Variants in CXCL14 observed in about 807,000 individuals in gnomAD.
The protein encoded by CXCL14 is C-X-C motif chemokine ligand 14.
In CXCL14, 9 loss-of-function variants were observed where a neutral mutation model predicts 16.1. The observed-to-expected ratio is 0.56, with a 90% CI of 0.34 to 0.97. CXCL14 has a LOEUF of 0.97. Among genes scored for constraint, CXCL14 ranks in the 50% least tolerant of loss-of-function variants. The probability of loss-of-function intolerance (pLI) is 0.02; values close to 1 mark genes in which losing one functional copy is unlikely to be tolerated. For missense variants in CXCL14, 111 were observed against 132.5 expected (o/e 0.84, Z 0.80); for synonymous variants, 55 against 52.8 (o/e 1.04, Z -0.18).
In CXCL14 at chr5:135,574,251, T is replaced by C. The variant is rs559605149; in HGVS notation, c.284+321A>G. On this transcript the variant is annotated intron_variant, in intron 3 of 3. Coordinates refer to ENST00000512158, the MANE Select transcript of CXCL14 (RefSeq NM_004887.5). Reference sequence around the variant, plus strand: ...AGCCATGCCAGTGCTCACTCTGCCATTTAACAACTTACGTAACTGAAATAA... The same window carrying C: ...AGCCATGCCAGTGCTCACTCTGCCACTTAACAACTTACGTAACTGAAATAA... Among the ~76,000 whole-genome samples, 9 of 152,374 alleles carry C rather than the reference T, an allele frequency of 5.9e-5. No individual in the cohort carries two copies. The South Asian group carries it at 1.9e-3, about 32-fold the overall frequency.
At chr5:135,575,552 A>G (rs1292194938) in intron 2 of CXCL14, among the ~76,000 whole-genome samples, 1 of 152,254 alleles carries the variant, frequency 6.6e-6, no homozygotes, top group African/African-American at 2.4e-5. Flanking sequence ...CAATCTTTAG[A>G]AAGTACCCAG....
chr5:135,577,509 T>G (rs1330991109), intron 2 of CXCL14, among the ~76,000 whole-genome samples: 2 of 152,188 alleles, frequency 1.3e-5, no homozygotes, highest in African/African-American at 4.8e-5. Flanking sequence ...GGTAGGGGTG[T>G]GCACTGCTTT....
At position 135,578,110 on chromosome 5, in the gene CXCL14, T is replaced by C. The variant is rs1045156258; in HGVS notation, c.170+324A>G. ...GTGATTTCAGTCTAGGTTTTCTGAG[T>C]TGGCACAAGGGAACCCTTTAACCCT... On this transcript the variant is annotated intron_variant, in intron 2 of 3. Transcript: ENST00000512158. Among the ~76,000 whole-genome samples, 23 of 152,200 alleles carry C rather than the reference T, an allele frequency of 1.5e-4. 2 individuals carry two copies. The highest frequency in any genetic ancestry group is 1.5e-3 in the Admixed American group (23 of 15,284).
chr5:135,574,662 C>T lies in CXCL14; in HGVS notation c.194G>A (p.Arg65Lys), dbSNP rs1409451570. Residue 65 changes from arginine (R) to lysine (K), a missense_variant, in exon 3 of 4, where the codon AGG becomes AAG. Physicochemically the swap from Arg to Lys is conservative, Grantham distance 26. Coordinates refer to ENST00000512158, the MANE Select transcript of CXCL14 (RefSeq NM_004887.5). ...MVIITTKSVS[R>K]YRGQEHCLHP... ...CAGGCAGTGCTCCTGACCTCGGTAC[C>T]TGGACACGCTCTTGGTGGTGATGCT... 1 of 1,613,722 alleles carries T rather than the reference C, an allele frequency of 6.2e-7. No individual in the cohort carries two copies. Among genetic ancestry groups the T allele is most frequent in the African/African-American group, 1.3e-5 (1 of 74,870 alleles).
At chr5:135,573,076 G>A (rs908033706) in intron 3 of CXCL14, among the ~76,000 whole-genome samples, 7 of 152,142 alleles carry the variant, frequency 4.6e-5, no homozygotes, top group African/African-American at 1.7e-4. Flanking sequence ...AGACCTGTGG[G>A]TGCCTCCTTT....
chr5:135,575,991 T>G (rs1439197662), intron 2 of CXCL14, among the ~76,000 whole-genome samples: 1 of 152,226 alleles, frequency 6.6e-6, no homozygotes, highest in African/African-American at 2.4e-5. Flanking sequence ...GGGACAGGAT[T>G]CCCATTACTT....
rs1468020570 is a variant in CXCL14 at position 135,572,019 on chromosome 5, T to A, written c.285-151A>T. On this transcript the variant is annotated intron_variant, in intron 3 of 3. Transcript: ENST00000512158. ...CCCCCAGGAGAAGTGGGAGGGATCC[T>A]TCTGAGGATGTGGTCCCGGGGACCA... 4 of 717,214 alleles carry A rather than the reference T, an allele frequency of 5.6e-6. No individual in the cohort carries two copies. In the Admixed American group the frequency reaches 1.1e-4, roughly 19 times the overall value. 44.4% of individuals were successfully genotyped at this position (717,214 alleles called of 1,614,324 possible).
intron 1 of CXCL14, 23 bp from the exon 2 acceptor site, chr5:135,578,562 G>A (rs1220016608): frequency 1.2e-6 from 2 of 1,609,448 alleles, no homozygotes; most frequent in South Asian, 2.2e-5. Flanking sequence ...GCGGGGCAAC[G>A]GCTTAGTTGC....
At chr5:135,572,014 G>A (rs1161155062) in intron 3 of CXCL14, 146 bp from the exon 4 acceptor site, 2 of 744,958 alleles carry the variant, frequency 2.7e-6, no homozygotes, top group African/African-American at 3.5e-5. Context: ...AAGTGGGAGG[G>A]ATCCTTCTGA....
intron 3 of CXCL14, among the ~76,000 whole-genome samples, chr5:135,573,189 C>T (rs1464239175): frequency 6.6e-6 from 1 of 152,196 alleles, no homozygotes; most frequent in African/African-American, 2.4e-5. Flanking sequence ...CCATAACCTG[C>T]CCATGGGATT....
At position 135,578,977 on chromosome 5, in the gene CXCL14, C is replaced by T; in HGVS notation, c.-199G>A. 3.5e-6 allele frequency: 2 copies of T among 565,432 alleles called. No homozygotes were observed. The highest frequency in any genetic ancestry group is 5.9e-6 in the Non-Finnish European group (2 of 339,654). 35.0% of individuals were successfully genotyped at this position (565,432 alleles called of 1,614,324 possible). A position where few individuals can be genotyped will look rare whatever the true frequency, so the allele number is the denominator to read the frequency against. On this transcript the variant is annotated 5_prime_UTR_variant, in exon 1 of 4. Transcript: ENST00000512158. ...CGTGCGCTGCGCTCTGCGCTTGTCT[C>T]CGCGCTCTCTCCACAGCCTCCCTCC...
At chr5:135,578,584 C>T (rs757876485) in intron 1 of CXCL14, 45 bp from the exon 2 acceptor site, 1 of 1,604,220 alleles carries the variant, frequency 6.2e-7, no homozygotes, top group Non-Finnish European at 8.5e-7. Flanking sequence ...AGGCGGTCTC[C>T]TGCCCCTCGA....
rs1471726798 is a variant in CXCL14, at chr5:135,578,695, G to A, written c.64+20C>T. The A allele has an allele frequency of 6.4e-7, 1 of 1,553,322 alleles. No individual in the cohort carries two copies. The highest frequency in any genetic ancestry group is 8.7e-7 in the Non-Finnish European group (1 of 1,148,010). ...ACAGGACAAGACGAGACGGCGACAAGGGGAGCTCCCCGCACTCACCGTCCA... is the reference window on the plus strand; with the variant it reads ...ACAGGACAAGACGAGACGGCGACAAAGGGAGCTCCCCGCACTCACCGTCCA... On this transcript the variant is annotated intron_variant, in intron 1 of 3. Coordinates refer to ENST00000512158, the MANE Select transcript of CXCL14 (RefSeq NM_004887.5).
Position 135,578,451 on chromosome 5 carries a change from G to T in CXCL14, c.153C>A (p.Cys51Ter). 1 of 1,614,060 alleles carries T rather than the reference G, an allele frequency of 6.2e-7. No individual in the cohort carries two copies. The highest frequency in any genetic ancestry group is 8.5e-7 in the Non-Finnish European group (1 of 1,179,898). Residue 51 changes from cysteine (C) to a stop codon, truncating the protein, a stop_gained, in exon 2 of 4, where the codon TGC becomes TGA. Transcript: ENST00000512158. LOFTEE classifies it high-confidence loss of function. ...KLEMKPKYPH[C>*]EEKMVIITTK... ...GAACTCACATAACCATCTTCTCCTC[G>T]CAGTGCGGGTACTTTGGCTTCATTT...
At chr5:135,576,911 A>G (rs1194680007) in intron 2 of CXCL14, among the ~76,000 whole-genome samples, 1 of 152,108 alleles carries the variant, frequency 6.6e-6, no homozygotes, top group African/African-American at 2.4e-5. Context: ...AGGAGCCCCC[A>G]GCCCTCAGGG....
At position 135,571,763 on chromosome 5, in the gene CXCL14, T is replaced by TAAAA; in HGVS notation, c.*89_*90insTTTT. 6.1e-6 allele frequency: 1 copy of TAAAA among 163,338 alleles called. No homozygotes were observed. Among genetic ancestry groups the TAAAA allele is most frequent in the Non-Finnish European group, 1.1e-5 (1 of 89,724 alleles). The allele number at this position is 163,338 out of a possible 1,614,324, so 10.1% of individuals were successfully genotyped here. A position where few individuals can be genotyped will look rare whatever the true frequency, so the allele number is the denominator to read the frequency against. On this transcript the variant is annotated 3_prime_UTR_variant, in exon 4 of 4. Coordinates refer to ENST00000512158, the MANE Select transcript of CXCL14 (RefSeq NM_004887.5). ...AAGGCTTTTTTTTTTTTTTTTTTTT[T>TAAAA]TTTTTTTTTTTTTTTTTTTTTTAAT...
At chr5:135,575,003 T>C (rs1418752222) in intron 2 of CXCL14, among the ~76,000 whole-genome samples, 1 of 152,148 alleles carries the variant, frequency 6.6e-6, no homozygotes, top group African/African-American at 2.4e-5. Context: ...TCTCCAGGGC[T>C]CAGGCCTCTT....
intron 2 of CXCL14, 45 bp from the exon 3 acceptor site, chr5:135,574,730 A>T (rs1382618626): frequency 6.7e-7 from 1 of 1,493,264 alleles, no homozygotes; most frequent in South Asian, 1.1e-5. Flanking sequence ...AGCCTGAATA[A>T]CATGTTGCCT....
rs560517036 is a variant in CXCL14, at chr5:135,578,417, G to C, written c.170+17C>G. On this transcript the variant is annotated intron_variant, in intron 2 of 3. Transcript: ENST00000512158. Reference sequence around the variant, plus strand: ...ACAGCAGTGCGCACCCCCTCAAGGTGAGGAGCGAGAACTCACATAACCATC... The same window carrying C: ...ACAGCAGTGCGCACCCCCTCAAGGTCAGGAGCGAGAACTCACATAACCATC... 2.5e-6 allele frequency: 4 copies of C among 1,607,166 alleles called. No homozygotes were observed. Among genetic ancestry groups the C allele is most frequent in the African/African-American group, 1.3e-5 (1 of 74,778 alleles).
Sources: gnomAD v4.1 joint callset for allele counts (sites outside exome capture counted in the v4.1 genomes callset) on GRCh38, gnomAD v4.1.1 for gene constraint, MANE v1.5 for transcripts, NCBI Gene and HGNC (gene_info 2026-07-23, HGNC 2026-07-21) for gene names.